The following GALNT13 variants were observed in gnomAD, a reference collection of about 807,000 sequenced individuals.
The protein encoded by GALNT13 is UDP-GalNAc:polypeptide N-acetylgalactosaminyltransferase 13.
Under a neutral mutation model 64.2 loss-of-function variants are expected in GALNT13, and 28 were observed. That is an observed-to-expected ratio of 0.44 (90% CI 0.32 to 0.60). GALNT13 has a LOEUF of 0.60. Among genes scored for constraint, GALNT13 ranks in the 20% least tolerant of loss-of-function variants. GALNT13 has a pLI of 0.05. For missense variants in GALNT13, 577 were observed against 669.8 expected (o/e 0.86, Z 1.53); for synonymous variants, 214 against 224.6 (o/e 0.95, Z 0.42).
chr2:153,359,630 CA>C, the GALNT13 span, among the ~76,000 whole-genome samples: 6 of 38,234 alleles, frequency 1.6e-4, no homozygotes, highest in East Asian at 5.1e-3. Context: ...CAGCTTTCAG[CA>C]AAAAAAAAAA....
chr2:154,454,003 A>T (rs1032624435), downstream of GALNT13, among the ~76,000 whole-genome samples: 1 of 152,166 alleles, frequency 6.6e-6, no homozygotes, highest in Non-Finnish European at 1.5e-5. Context: ...TAAGCTAAAA[A>T]TGGTTTTTAT....
intron 4 of GALNT13, among the ~76,000 whole-genome samples, chr2:154,161,700 A>G (rs1337095290): frequency 1.3e-5 from 2 of 152,170 alleles, no homozygotes; most frequent in African/African-American, 4.8e-5. Context: ...TCATTTTTCA[A>G]TGTTTTTGTT....
chr2:153,506,553 G>T, the GALNT13 span, among the ~76,000 whole-genome samples: 1 of 151,746 alleles, frequency 6.6e-6, no homozygotes. Context: ...AATTCTCTCA[G>T]CATTTGTTTG....
chr2:154,259,055 G>C lies in GALNT13; in HGVS notation c.892G>C (p.Asp298His). The C allele has an allele frequency of 6.2e-7, 1 of 1,606,842 alleles. No individual in the cohort carries two copies. Among genetic ancestry groups the C allele is most frequent in the East Asian group, 2.2e-5 (1 of 44,704 alleles). The change falls in exon 8 of 13, where the codon GAC becomes CAC. Residue 298 changes from aspartate to histidine, a missense_variant. By Grantham distance (81) the Asp-to-His change is moderately conservative. This residue lies in a region of GALNT13 where 341 missense variants were observed against 379.3 expected (regional missense o/e 0.90). Coordinates refer to ENST00000392825, the MANE Select transcript of GALNT13 (RefSeq NM_052917.4). Reference protein sequence around the residue: ...PTMAGGLFSIDRNYFEEIGTY... With the variant: ...PTMAGGLFSIHRNYFEEIGTY... Reference sequence around the variant, plus strand: ...TATGGCTGGTGGCCTATTTTCTATTGACAGAAACTACTTTGAAGAGATAGG... The same window carrying C: ...TATGGCTGGTGGCCTATTTTCTATTCACAGAAACTACTTTGAAGAGATAGG...
chr2:153,723,270 C>G, the GALNT13 span, among the ~76,000 whole-genome samples: 1 of 149,512 alleles, frequency 6.7e-6, no homozygotes, highest in Non-Finnish European at 1.5e-5. Context: ...ATGCTAAAAA[C>G]TCTCAATAAA....
At chr2:154,213,455 G>T (rs928043191) in intron 4 of GALNT13, among the ~76,000 whole-genome samples, 3 of 152,102 alleles carry the variant, frequency 2.0e-5, no homozygotes, top group African/African-American at 7.2e-5. Context: ...CAGACTAATG[G>T]AAAGCAGATT....
At chr2:153,118,108 A>AACACACACACAC in the GALNT13 span, among the ~76,000 whole-genome samples, 12 of 12,820 alleles carry the variant, frequency 9.4e-4, no homozygotes, top group African/African-American at 1.4e-3. Context: ...ACTATGTACC[A>AACACACACACAC]ACACACACAC....
chr2:153,897,589 A>T (rs1187923288), intron 1 of GALNT13, among the ~76,000 whole-genome samples: 1 of 152,110 alleles, frequency 6.6e-6, no homozygotes, highest in African/African-American at 2.4e-5. Context: ...GTGGGAAGAT[A>T]CTTTTAGACT....
At chr2:153,820,245 G>A in the GALNT13 span, among the ~76,000 whole-genome samples, 2 of 152,146 alleles carry the variant, frequency 1.3e-5, no homozygotes, top group Admixed American at 1.3e-4. Flanking sequence ...TAGTTAAAGT[G>A]CCAAACATAC....
At chr2:153,985,560 G>A (rs907403248) in intron 3 of GALNT13, among the ~76,000 whole-genome samples, 4 of 151,732 alleles carry the variant, frequency 2.6e-5, no homozygotes, top group East Asian at 1.9e-4. Context: ...CTCAGTACCC[G>A]GCATAATAGT....
At chr2:153,222,349 C>CT in the GALNT13 span, among the ~76,000 whole-genome samples, 1 of 20,240 alleles carries the variant, frequency 4.9e-5, no homozygotes, top group African/African-American at 1.9e-4. Flanking sequence ...GGGGGTTGGG[C>CT]TTATAGGCTT....
At chr2:154,116,635 G>A (rs779187535) in intron 3 of GALNT13, among the ~76,000 whole-genome samples, 2 of 152,154 alleles carry the variant, frequency 1.3e-5, no homozygotes, top group Non-Finnish European at 2.9e-5. Flanking sequence ...CCTCACATGA[G>A]CTGTGAATCT....
intron 2 of GALNT13, among the ~76,000 whole-genome samples, chr2:153,919,079 T>C (rs934544313): frequency 1.1e-4 from 16 of 152,158 alleles, no homozygotes; most frequent in Non-Finnish European, 2.4e-4. Context: ...ATATTATTTT[T>C]TGATGAAATC....
intron 4 of GALNT13, among the ~76,000 whole-genome samples, chr2:154,167,756 A>T (rs1043638911): frequency 6.6e-6 from 1 of 152,122 alleles, no homozygotes; most frequent in Non-Finnish European, 1.5e-5. Context: ...GAGCCCAAGC[A>T]GGTTGAGGAT....
At chr2:153,695,775 C>T in the GALNT13 span, among the ~76,000 whole-genome samples, 2 of 152,134 alleles carry the variant, frequency 1.3e-5, no homozygotes, top group African/African-American at 4.8e-5. Context: ...ATATTGGAGT[C>T]TCTTTTTGAA....
chr2:154,322,207 C>T (rs1694664338), intron 9 of GALNT13, among the ~76,000 whole-genome samples: 1 of 119,242 alleles, frequency 8.4e-6, no homozygotes, highest in South Asian at 2.8e-4. Context: ...ACCTCACAGG[C>T]ATTAAATATT....
chr2:153,073,203 A>G, the GALNT13 span, among the ~76,000 whole-genome samples: 1 of 152,150 alleles, frequency 6.6e-6, no homozygotes, highest in Non-Finnish European at 1.5e-5. Flanking sequence ...ACCTATATTT[A>G]TTTATGTCAG....
At chr2:153,944,289 A>T (rs900724047) in intron 2 of GALNT13, 105 bp from the exon 3 acceptor site, 18 of 460,990 alleles carry the variant, frequency 3.9e-5, no homozygotes, top group Non-Finnish European at 6.5e-5. Context: ...TTGAGTACTG[A>T]TATATTTGAG....
intron 9 of GALNT13, among the ~76,000 whole-genome samples, chr2:154,346,496 G>A (rs940064214): frequency 7.9e-5 from 12 of 152,118 alleles, no homozygotes; most frequent in Admixed American, 6.5e-5. Context: ...TCCCCATACT[G>A]TTCTCATGGT....
Sources: gnomAD v4.1 joint callset for allele counts (sites outside exome capture counted in the v4.1 genomes callset) on GRCh38, gnomAD v4.1.1 for gene constraint, gnomAD v4.1.1 regional missense constraint, MANE v1.5 for transcripts, NCBI Gene and HGNC (gene_info 2026-07-23, HGNC 2026-07-21) for gene names.